Variants in DHX35 observed in about 807,000 individuals in gnomAD.
DHX35 encodes DEAH-box helicase 35, also known as probable ATP-dependent RNA helicase DHX35.
DHX35 carries 84 observed loss-of-function variants against 99.6 expected under a neutral mutation model. That is an observed-to-expected ratio of 0.84 (90% CI 0.71 to 1.01). The LOEUF is 1.01. Among genes scored for constraint, DHX35 ranks in the 50% least tolerant of loss-of-function variants. DHX35 has a pLI of 0.00. For synonymous variants in DHX35, 331 were observed against 316.2 expected (o/e 1.05, Z -0.50); for missense variants, 852 against 888.5 (o/e 0.96, Z 0.52).
chr20:39,035,420 C>T (rs1299662491), intron 21 of DHX35, among the ~76,000 whole-genome samples: 2 of 152,206 alleles, frequency 1.3e-5, no homozygotes, highest in Non-Finnish European at 2.9e-5. Context: ...CCTGAAAATA[C>T]TTGCTTTACA....
chr20:38,974,598 G>A (rs1217403009), intron 3 of DHX35, among the ~76,000 whole-genome samples: 1 of 152,142 alleles, frequency 6.6e-6, no homozygotes, highest in Non-Finnish European at 1.5e-5. Context: ...GATGACATTA[G>A]CAGGAAGTTT....
chr20:38,994,698 C>A, intron 7 of DHX35, 123 bp from the exon 8 acceptor site: 1 of 433,298 alleles, frequency 2.3e-6, no homozygotes. Context: ...GCTCCCTTAC[C>A]TCCTCCTCAG....
chr20:38,980,590 A>T (rs1300647786), intron 3 of DHX35, among the ~76,000 whole-genome samples: 1 of 148,320 alleles, frequency 6.7e-6, no homozygotes, highest in African/African-American at 2.5e-5. Context: ...GATAAACTTT[A>T]TAGTTTTTAT....
rs761090604 is a variant in DHX35 at position 39,003,739 on chromosome 20, A to C, written c.853-10A>C. Reference sequence around the variant, plus strand: ...CTCGGTTTCTTTGGTTCCTGGTTCAACGTCTTTAGGAAGAGGTAGAAACTG... The same window carrying C: ...CTCGGTTTCTTTGGTTCCTGGTTCACCGTCTTTAGGAAGAGGTAGAAACTG... On this transcript the variant is annotated splice_polypyrimidine_tract_variant and intron_variant, in intron 10 of 21. Transcript: ENST00000252011. 58 of 1,601,378 alleles carry C rather than the reference A, an allele frequency of 3.6e-5. No homozygotes were observed. The highest frequency in any genetic ancestry group is 4.8e-5 in the Non-Finnish European group (56 of 1,169,836).
chr20:38,968,963 G>C, intron 1 of DHX35, 118 bp from the exon 2 acceptor site: 1 of 1,216,444 alleles, frequency 8.2e-7, no homozygotes, highest in Non-Finnish European at 1.1e-6. Flanking sequence ...CCTTTGAGTA[G>C]TTTGAGATAA....
At position 39,025,218 on chromosome 20, in the gene DHX35, G is replaced by C; in HGVS notation, c.1672-12G>C. The C allele has an allele frequency of 2.5e-6, 4 of 1,605,542 alleles. No individual in the cohort carries two copies. Among genetic ancestry groups the C allele is most frequent in the Non-Finnish European group, 3.4e-6 (4 of 1,176,140 alleles). On this transcript the variant is annotated splice_polypyrimidine_tract_variant and intron_variant, in intron 17 of 21. Transcript: ENST00000252011. ...CTGTTTTCTAACTCCCTCTCTCTGG[G>C]TTGTTCTGTAGCACAATAAGGACTC...
In DHX35 at chr20:38,991,439, G is replaced by A; in HGVS notation, c.451-15G>A. Reference sequence around the variant, plus strand: ...AAGTGAATTATTTCTAAAGCTTTGTGTTTTTATTTTTTAGTTTCTTACTGA... The same window carrying A: ...AAGTGAATTATTTCTAAAGCTTTGTATTTTTATTTTTTAGTTTCTTACTGA... On this transcript the variant is annotated splice_polypyrimidine_tract_variant and intron_variant, in intron 5 of 21. Transcript: ENST00000252011. 6.2e-7 allele frequency: 1 copy of A among 1,609,692 alleles called. No individual in the cohort carries two copies.
At position 39,014,910 on chromosome 20, in the gene DHX35, T is replaced by C. The variant is rs1467708558; in HGVS notation, c.1378T>C (p.Leu460=). ...PPPAQSMVQA[L]ELLYALGGLD... ...TCCAGCACAGTCGATGGTTCAAGCC[T>C]TGGAGTTACTGTATGCTCTGGGAGG... The change falls in exon 14 of 22, where the codon TTG becomes CTG. Residue 460 remains leucine, a synonymous_variant. Transcript: ENST00000252011. The C allele has an allele frequency of 1.2e-6, 2 of 1,614,212 alleles. No homozygotes were observed. The highest frequency in any genetic ancestry group is 2.2e-5 in the East Asian group (1 of 44,884).
intron 14 of DHX35, among the ~76,000 whole-genome samples, chr20:39,017,831 T>TA (rs2086809732): frequency 6.6e-6 from 1 of 152,212 alleles, no homozygotes; most frequent in South Asian, 2.1e-4. Context: ...GGATCTGGGT[T>TA]AGTGTTTAGA....
At position 38,962,387 on chromosome 20, in the gene DHX35, C is replaced by G; in HGVS notation, c.20C>G (p.Pro7Arg). 2 of 1,612,902 alleles carry G rather than the reference C, an allele frequency of 1.2e-6. No homozygotes were observed. Among genetic ancestry groups the G allele is most frequent in the Non-Finnish European group, 8.5e-7 (1 of 1,179,376 alleles). Residue 7 changes from proline to arginine, a missense_variant, in exon 1 of 22, where the codon CCG (proline) becomes CGG (arginine). Transcript: ENST00000252011. MAAPVG[P>R]VKFWRPGTEG... Reference sequence around the variant, plus strand: ...CCCAACATGGCTGCGCCCGTGGGACCGGTGAAGTTCTGGCGACCCGGTAAG... The same window carrying G: ...CCCAACATGGCTGCGCCCGTGGGACGGGTGAAGTTCTGGCGACCCGGTAAG...
chr20:39,022,499 C>T (rs1343267506), intron 16 of DHX35, among the ~76,000 whole-genome samples: 1 of 152,178 alleles, frequency 6.6e-6, no homozygotes, highest in Non-Finnish European at 1.5e-5. Flanking sequence ...GGTTAGGTAA[C>T]TCATTCACAG....
intron 1 of DHX35, among the ~76,000 whole-genome samples, chr20:38,965,675 G>A (rs1466859695): frequency 6.6e-6 from 1 of 152,024 alleles, no homozygotes; most frequent in African/African-American, 2.4e-5. Flanking sequence ...TTTATGTGTT[G>A]TTTTAAATGA....
intron 2 of DHX35, 151 bp downstream of exon 2, chr20:38,969,365 A>T: frequency 1.0e-6 from 1 of 952,716 alleles, no homozygotes; most frequent in Non-Finnish European, 1.4e-6. Flanking sequence ...CATACTGTGT[A>T]TTTTTTAGTT....
intron 13 of DHX35, among the ~76,000 whole-genome samples, chr20:39,013,480 C>T (rs1000267686): frequency 1.3e-5 from 2 of 152,114 alleles, no homozygotes; most frequent in African/African-American, 2.4e-5. Context: ...TGTATTATCC[C>T]AAATCAGTTG....
In DHX35 at chr20:38,988,655, A is replaced by G. The variant is rs2086285527; in HGVS notation, c.346-158A>G. 8.5e-6 allele frequency: 9 copies of G among 1,053,212 alleles called. No individual in the cohort carries two copies. The South Asian group carries it at 1.7e-4, about 20-fold the overall frequency. 65.2% of individuals were successfully genotyped at this position (1,053,212 alleles called of 1,614,324 possible). A position where few individuals can be genotyped will look rare whatever the true frequency, so the allele number is the denominator to read the frequency against. ...AATAATAATAATAATAAAAATTGCA[A>G]AAGTTATTATGCTTGTTCTCTAATA... On this transcript the variant is annotated intron_variant, in intron 4 of 21. Coordinates refer to ENST00000252011, the MANE Select transcript of DHX35 (RefSeq NM_021931.4).
chr20:38,990,515 C>G (rs998017102), intron 5 of DHX35, among the ~76,000 whole-genome samples: 1 of 152,190 alleles, frequency 6.6e-6, no homozygotes, highest in Non-Finnish European at 1.5e-5. Flanking sequence ...AGTCAGTCCT[C>G]TGCATCCTGC....
intron 3 of DHX35, among the ~76,000 whole-genome samples, chr20:38,982,862 T>G (rs977722187): frequency 6.6e-6 from 1 of 152,156 alleles, no homozygotes; most frequent in African/African-American, 2.4e-5. Context: ...TTTAAGTGCA[T>G]ATAATCAAAT....
intron 13 of DHX35, among the ~76,000 whole-genome samples, chr20:39,011,489 C>A (rs1378021708): frequency 6.6e-6 from 1 of 152,110 alleles, no homozygotes; most frequent in Non-Finnish European, 1.5e-5. Context: ...GTGTGTGCCA[C>A]CACGCCTGGC....
chr20:39,007,879 C>G (rs1243945724), intron 12 of DHX35, among the ~76,000 whole-genome samples: 3 of 152,208 alleles, frequency 2.0e-5, no homozygotes, highest in African/African-American at 4.8e-5. Context: ...AGACATTTTT[C>G]TCTTCAAAAA....
Sources: allele counts gnomAD v4.1 joint callset (sites outside exome capture counted in the v4.1 genomes callset), GRCh38; gene constraint gnomAD v4.1.1; transcripts MANE v1.5; gene names NCBI Gene and HGNC (gene_info 2026-07-23, HGNC 2026-07-21).